The following SULF1 variants were observed in gnomAD, a reference collection of about 807,000 sequenced individuals.
SULF1 encodes the protein extracellular sulfatase Sulf-1.
In SULF1, 46 loss-of-function variants were observed where a neutral mutation model predicts 110.5. That is an observed-to-expected ratio of 0.42 (90% CI 0.33 to 0.53). The LOEUF (loss-of-function observed/expected upper bound fraction) is 0.53, where lower values mean the gene tolerates loss of function less well. Ranked by LOEUF, SULF1 falls within the 20% of genes least tolerant of loss-of-function variation. The pLI is 0.12. For synonymous variants in SULF1, 371 were observed against 387.1 expected (o/e 0.96, Z 0.49); for missense variants, 941 against 1,094.2 (o/e 0.86, Z 1.98).
intron 3 of SULF1, among the ~76,000 whole-genome samples, chr8:69,538,313 A>C: frequency 7.3e-6 from 1 of 137,772 alleles, no homozygotes; most frequent in African/African-American, 2.8e-5. Flanking sequence ...TTGCTCAGAC[A>C]CATGCTTCTC....
Position 69,638,865 on chromosome 8 carries a change from A to G in SULF1, c.2551+7A>G. 6.3e-7 allele frequency: 1 copy of G among 1,598,084 alleles called. No homozygotes were observed. Among genetic ancestry groups the G allele is most frequent in the Non-Finnish European group, 8.5e-7 (1 of 1,175,886 alleles). On this transcript the variant is annotated splice_region_variant and intron_variant, in intron 21 of 22. Coordinates refer to ENST00000402687, the MANE Select transcript of SULF1 (RefSeq NM_001128205.2). ...CCTAAGAATCTTGATGTTGGTAAGG[A>G]AAAAAATACTATTTTTTCTATTTTA...
intron 15 of SULF1, among the ~76,000 whole-genome samples, chr8:69,626,593 C>T (rs1369793092): frequency 1.3e-5 from 2 of 152,244 alleles, no homozygotes; most frequent in Non-Finnish European, 2.9e-5. Flanking sequence ...GTGGGAGGCT[C>T]AGGCATGGCG....
chr8:69,593,150 G>A (rs1378220586), intron 8 of SULF1, among the ~76,000 whole-genome samples: 3 of 152,176 alleles, frequency 2.0e-5, no homozygotes, highest in Non-Finnish European at 4.4e-5. Flanking sequence ...TTGCTGTGAA[G>A]GTCTCCCTGG....
chr8:69,580,126 T>C (rs1398898868), intron 6 of SULF1, among the ~76,000 whole-genome samples: 1 of 152,182 alleles, frequency 6.6e-6, no homozygotes, highest in African/African-American at 2.4e-5. Flanking sequence ...GGCATATTTT[T>C]GGACTGGCTA....
intron 3 of SULF1, among the ~76,000 whole-genome samples, chr8:69,525,654 G>T (rs180686316): frequency 6.6e-6 from 1 of 152,292 alleles, no homozygotes; most frequent in Non-Finnish European, 1.5e-5. Context: ...ATGCAGAGTG[G>T]ATTTCGTGGA....
At chr8:69,502,844 C>T (rs767335168) in intron 3 of SULF1, among the ~76,000 whole-genome samples, 6 of 151,846 alleles carry the variant, frequency 4.0e-5, no homozygotes, top group African/African-American at 9.7e-5. Flanking sequence ...CCTGCCACCA[C>T]GCCCAGCTAA....
intron 5 of SULF1, 118 bp from the exon 6 acceptor site, chr8:69,575,852 C>A: frequency 7.7e-7 from 1 of 1,294,522 alleles, no homozygotes; most frequent in African/African-American, 1.5e-5. Context: ...TTATAGACTC[C>A]TTTAAGCTAA....
intron 2 of SULF1, among the ~76,000 whole-genome samples, chr8:69,499,419 G>T (rs943675132): frequency 3.9e-5 from 6 of 152,140 alleles, no homozygotes; most frequent in African/African-American, 1.4e-4. Context: ...ATTCATTAAT[G>T]AAATTGGAAA....
chr8:69,520,496 G>A lies in SULF1; in HGVS notation c.-134+18528G>A, dbSNP rs534912308. Among the ~76,000 whole-genome samples the A allele has an allele frequency of 2.0e-5, 3 of 152,134 alleles. No homozygotes were observed. The South Asian group carries it at 6.2e-4, about 32-fold the overall frequency. On this transcript the variant is annotated intron_variant, in intron 3 of 22. Transcript: ENST00000402687. ...TAAGAACTCCTGAAATTTTAAGATA[G>A]GATAACAAAAAACTGGTGCATATGA...
chr8:69,645,452 AAGAC>A (rs1453433065), intron 22 of SULF1, among the ~76,000 whole-genome samples: 2 of 152,200 alleles, frequency 1.3e-5, no homozygotes, highest in Admixed American at 1.3e-4. Flanking sequence ...GCAACATATA[AAGAC>A]AGAAAGAATC....
intron 5 of SULF1, among the ~76,000 whole-genome samples, chr8:69,565,091 A>G (rs1007365627): frequency 1.3e-5 from 2 of 152,176 alleles, no homozygotes; most frequent in Non-Finnish European, 2.9e-5. Flanking sequence ...ATGGAAGGGG[A>G]CTTTGCTTTC....
At chr8:69,530,296 C>G (rs1812996639) in intron 3 of SULF1, among the ~76,000 whole-genome samples, 1 of 152,084 alleles carries the variant, frequency 6.6e-6, no homozygotes, top group Non-Finnish European at 1.5e-5. Context: ...CTAGGGCTAC[C>G]CTACATATTC....
intron 2 of SULF1, among the ~76,000 whole-genome samples, chr8:69,496,979 G>A (rs1057008875): frequency 3.3e-5 from 5 of 152,098 alleles, no homozygotes; most frequent in African/African-American, 1.2e-4. Flanking sequence ...TGTCAATTGT[G>A]TATGAAGTAA....
chr8:69,627,074 G>C (rs1810132898), intron 15 of SULF1, 136 bp from the exon 16 acceptor site: 1 of 652,958 alleles, frequency 1.5e-6, no homozygotes, highest in Non-Finnish European at 2.7e-6. Flanking sequence ...ATTGATGCTG[G>C]TCTTGGATCA....
chr8:69,554,896 G>C (rs533596506), intron 3 of SULF1, among the ~76,000 whole-genome samples: 1 of 148,338 alleles, frequency 6.7e-6, no homozygotes, highest in African/African-American at 2.5e-5. Context: ...GGAGAATGGC[G>C]CGAACCTGGG....
chr8:69,585,587 A>G (rs1416726099), intron 6 of SULF1, among the ~76,000 whole-genome samples: 1 of 152,208 alleles, frequency 6.6e-6, no homozygotes, highest in Non-Finnish European at 1.5e-5. Flanking sequence ...TGGAAGTGAC[A>G]TGCCAAAGTT....
rs961699296 is a variant in SULF1, at chr8:69,474,231, A to G, written c.-391+7281A>G. On this transcript the variant is annotated intron_variant, in intron 1 of 22. Transcript: ENST00000260128. ...TATACCAGAATTATGGTGGGAAAAG[A>G]CTAATTGCATTCCAATGTACATTTA... Among the ~76,000 whole-genome samples, 13 of 152,340 alleles carry G rather than the reference A, an allele frequency of 8.5e-5. No homozygotes were observed. The East Asian group carries it at 2.5e-3, about 29-fold the overall frequency.
chr8:69,506,203 C>T (rs1811183976), intron 3 of SULF1, among the ~76,000 whole-genome samples: 1 of 150,664 alleles, frequency 6.6e-6, no homozygotes, highest in African/African-American at 2.5e-5. Flanking sequence ...GTTGCTCATG[C>T]TTTTTCTTTA....
intron 13 of SULF1, among the ~76,000 whole-genome samples, chr8:69,616,230 A>ATATTTT (rs1554590241): frequency 2.1e-5 from 3 of 139,980 alleles, no homozygotes; most frequent in Non-Finnish European, 3.1e-5. Context: ...ATATATATAT[A>ATATTTT]TTTTTTTGAG....
Sources: gnomAD v4.1 joint callset for allele counts (sites outside exome capture counted in the v4.1 genomes callset) on GRCh38, gnomAD v4.1.1 for gene constraint, MANE v1.5 for transcripts, NCBI Gene and HGNC (gene_info 2026-07-23, HGNC 2026-07-21) for gene names.